Variants in KIF13A observed in about 807,000 individuals in gnomAD.
KIF13A encodes the protein kinesin-like protein KIF13A.
Under a neutral mutation model 212.2 loss-of-function variants are expected in KIF13A, and 79 were observed. That is an observed-to-expected ratio of 0.37 (90% CI 0.31 to 0.45). KIF13A has a LOEUF of 0.45. Ranked by LOEUF, KIF13A falls within the 20% of genes least tolerant of loss-of-function variation. KIF13A has a pLI of 1.00. For synonymous variants in KIF13A, 789 were observed against 808.6 expected, an observed-to-expected ratio of 0.98 and a Z score of 0.41; for missense variants, 1,901 against 2,209.0, an observed-to-expected ratio of 0.86 and a Z score of 2.79.
rs1181862533 is a variant in KIF13A at position 17,951,884 on chromosome 6, C to T, written c.146+35170G>A. Reference sequence around the variant, plus strand: ...ACATTTGGTGACTCATTACAAAAATCTTTTTTCTTAAAAGAATTTTTTGTA... The same window carrying T: ...ACATTTGGTGACTCATTACAAAAATTTTTTTTCTTAAAAGAATTTTTTGTA... On this transcript the variant is annotated intron_variant, in intron 2 of 38. Coordinates refer to ENST00000259711, the MANE Select transcript of KIF13A (RefSeq NM_022113.6). The surrounding 1 kb of genome is among the most constrained non-coding windows in gnomAD (Gnocchi z 4.9). Among the ~76,000 whole-genome samples the T allele has an allele frequency of 6.6e-6, 1 of 152,118 alleles. No individual in the cohort carries two copies. The highest frequency in any genetic ancestry group is 2.4e-5 in the African/African-American group (1 of 41,408).
At chr6:17,916,751 G>A (rs1275029178) in intron 2 of KIF13A, among the ~76,000 whole-genome samples, 2 of 152,112 alleles carry the variant, frequency 1.3e-5, no homozygotes, top group Admixed American at 6.5e-5. Flanking sequence ...CAAATGAATG[G>A]ACAGGTTAAG....
At position 17,815,830 on chromosome 6, in the gene KIF13A, C is replaced by T. The variant is rs1387401255; in HGVS notation, c.2000+1190G>A. ...CTTGGCACCTGGGTGGCTTGCCACCCACACTCTACCACTTTCTCCTTTGAG... is the reference window on the plus strand; with the variant it reads ...CTTGGCACCTGGGTGGCTTGCCACCTACACTCTACCACTTTCTCCTTTGAG... On this transcript the variant is annotated intron_variant, in intron 17 of 38. Transcript: ENST00000259711. Among the ~76,000 whole-genome samples, 4 of 151,986 alleles carry T rather than the reference C, an allele frequency of 2.6e-5. No homozygotes were observed. In the East Asian group the frequency reaches 7.7e-4, roughly 29 times the overall value.
chr6:17,975,476 G>C lies in KIF13A; in HGVS notation c.146+11578C>G, dbSNP rs1581921215. 2.0e-5 allele frequency among the ~76,000 whole-genome samples: 3 copies of C among 152,142 alleles called. No homozygotes were observed. In the East Asian group the frequency reaches 5.8e-4, roughly 29 times the overall value. ...TGAAGCTACAGACCTTCAGCGGTGAGCGTTACAGCTTATAAAGACAATGTA... is the reference window on the plus strand; with the variant it reads ...TGAAGCTACAGACCTTCAGCGGTGACCGTTACAGCTTATAAAGACAATGTA... On this transcript the variant is annotated intron_variant, in intron 2 of 38. Transcript: ENST00000259711.
At position 17,963,145 on chromosome 6, in the gene KIF13A, C is replaced by T. The variant is rs772432453; in HGVS notation, c.146+23909G>A. Among the ~76,000 whole-genome samples the T allele has an allele frequency of 4.6e-5, 7 of 152,108 alleles. No individual in the cohort carries two copies. Among genetic ancestry groups the T allele is most frequent in the Non-Finnish European group, 1.0e-4 (7 of 68,012 alleles). The stretch of plus-strand genomic sequence containing the variant: ...AGAGTGTCATGTGAAAGGCTGGGTG[C>T]GGTGGCTCATGCCTGTAATCCCAGC... On this transcript the variant is annotated intron_variant, in intron 2 of 38. Transcript: ENST00000259711. The surrounding 1 kb of genome is among the most constrained non-coding windows in gnomAD (Gnocchi z 4.1).
Position 17,764,708 on chromosome 6 carries a change from G to A in KIF13A, c.4820C>T (p.Ala1607Val). The A allele has an allele frequency of 6.2e-7, 1 of 1,613,284 alleles. No homozygotes were observed. The highest frequency in any genetic ancestry group is 8.5e-7 in the Non-Finnish European group (1 of 1,179,564). Residue 1607 changes from alanine to valine, a missense_variant, in exon 39 of 39, where the codon GCC (alanine) becomes GTC (valine). By Grantham distance (64) the Ala-to-Val change is moderately conservative. Transcript: ENST00000259711. The surrounding 1 kb of genome is among the most constrained non-coding windows in gnomAD (Gnocchi z 5.1). ...AGGGACCACCATGTCAGACAGGGTG[G>A]CATTGGAGGCACTGTGGGAAAAGTA... ...SGYFSHSASN[A>V]TLSDMVVPSS...
Position 17,850,521 on chromosome 6 carries a change from G to C in KIF13A, c.583-64C>G, listed in dbSNP as rs1014272121. On this transcript the variant is annotated intron_variant, in intron 7 of 38. Coordinates refer to ENST00000259711, the MANE Select transcript of KIF13A (RefSeq NM_022113.6). The surrounding 1 kb of genome is among the most constrained non-coding windows in gnomAD (Gnocchi z 6.2). ...CACAAGAATGTAGTCCTGCACACCA[G>C]GTATATGTATTAATTATGATTCCTC... 1 of 1,469,106 alleles carries C rather than the reference G, an allele frequency of 6.8e-7. No homozygotes were observed. The highest frequency in any genetic ancestry group is 1.3e-5 in the South Asian group (1 of 75,122). The allele number at this position is 1,469,106 out of a possible 1,614,324, so 91.0% of individuals were successfully genotyped here. A position where few individuals can be genotyped will look rare whatever the true frequency, so the allele number is the denominator to read the frequency against.
Position 17,886,448 on chromosome 6 carries a change from G to C in KIF13A, c.159+11720C>G, listed in dbSNP as rs532621168. On this transcript the variant is annotated intron_variant, in intron 3 of 38. Transcript: ENST00000259711. The surrounding 1 kb of genome is among the most constrained non-coding windows in gnomAD (Gnocchi z 5.6). ...GAGTTCACACTGCTGCGGCTGACTC[G>C]GGCCAAGTGGGAGCCAAGAGACTCC... is the stretch of plus-strand genomic sequence containing the variant. 4.6e-5 allele frequency among the ~76,000 whole-genome samples: 7 copies of C among 152,186 alleles called. No individual in the cohort carries two copies. The highest frequency in any genetic ancestry group is 7.3e-5 in the Non-Finnish European group (5 of 68,036).
At chr6:17,875,348 A>C (rs988993401) in intron 3 of KIF13A, among the ~76,000 whole-genome samples, 7 of 152,106 alleles carry the variant, frequency 4.6e-5, no homozygotes, top group African/African-American at 1.7e-4. Context: ...TTTTACATGA[A>C]TTAACTTTCT....
chr6:17,980,203 A>G (rs1780937973), intron 2 of KIF13A, among the ~76,000 whole-genome samples: 1 of 152,246 alleles, frequency 6.6e-6, no homozygotes. Flanking sequence ...AGAAGCACTG[A>G]AAGATAAAAG....
intron 2 of KIF13A, among the ~76,000 whole-genome samples, chr6:17,941,435 C>CAAA (rs1776946825): frequency 6.6e-6 from 1 of 152,138 alleles, no homozygotes. Flanking sequence ...GAAGCCTTAA[C>CAAA]CCTCAGTACC....
Position 17,771,758 on chromosome 6 carries a change from G to T in KIF13A, c.4476+150C>A. 1 of 672,914 alleles carries T rather than the reference G, an allele frequency of 1.5e-6. No individual in the cohort carries two copies. The allele number at this position is 672,914 out of a possible 1,614,324, so 41.7% of individuals were successfully genotyped here. A position where few individuals can be genotyped will look rare whatever the true frequency, so the allele number is the denominator to read the frequency against. On this transcript the variant is annotated intron_variant, in intron 37 of 38. Transcript: ENST00000259711. The surrounding 1 kb of genome is among the most constrained non-coding windows in gnomAD (Gnocchi z 5.4). ...AAGAGATTCTACCATGACTCTGCAT[G>T]CTTGAGAAAGAGGAATTCGAGAACG... is the stretch of plus-strand genomic sequence containing the variant.
At chr6:17,960,250 A>C (rs1328867131) in intron 2 of KIF13A, among the ~76,000 whole-genome samples, 1 of 152,356 alleles carries the variant, frequency 6.6e-6, no homozygotes, top group South Asian at 2.1e-4. Context: ...ACTAAAAAAA[A>C]GTAAACATTC....
At chr6:17,804,179 T>C (rs1762733215) in intron 20 of KIF13A, among the ~76,000 whole-genome samples, 182 bp downstream of exon 20, 1 of 134,906 alleles carries the variant, frequency 7.4e-6, no homozygotes, top group African/African-American at 2.8e-5. Context: ...AACAAAACCA[T>C]GACTTAATCC....
In KIF13A at chr6:17,869,942, C is replaced by T. The variant is rs1769847556; in HGVS notation, c.220+3435G>A. On this transcript the variant is annotated intron_variant, in intron 4 of 38. Coordinates refer to ENST00000259711, the MANE Select transcript of KIF13A (RefSeq NM_022113.6). ...GGAAATATGTGCTTCCCCTTCTCCACTTCCCCTGTTTTCCACCAGATAATG... is the reference window on the plus strand; with the variant it reads ...GGAAATATGTGCTTCCCCTTCTCCATTTCCCCTGTTTTCCACCAGATAATG... 2.0e-5 allele frequency among the ~76,000 whole-genome samples: 3 copies of T among 152,334 alleles called. No individual in the cohort carries two copies. The South Asian group carries it at 6.2e-4, about 32-fold the overall frequency.
rs975078842 is a variant in KIF13A at position 17,963,345 on chromosome 6, G to T, written c.146+23709C>A. Among the ~76,000 whole-genome samples the T allele has an allele frequency of 6.6e-6, 1 of 152,188 alleles. No homozygotes were observed. The highest frequency in any genetic ancestry group is 2.4e-5 in the African/African-American group (1 of 41,438). ...ACGCAGGAGAATCACTTGAACCTGG[G>T]AGGGAGAGGCTGCAGTGAGCTAAGA... is the stretch of plus-strand genomic sequence containing the variant. On this transcript the variant is annotated intron_variant, in intron 2 of 38. Coordinates refer to ENST00000259711, the MANE Select transcript of KIF13A (RefSeq NM_022113.6). This position sits in a 1 kb window ranked among gnomAD's most constrained non-coding sequence, Gnocchi z 4.1.
chr6:17,946,049 C>T (rs1030319386), intron 2 of KIF13A, among the ~76,000 whole-genome samples: 1 of 152,128 alleles, frequency 6.6e-6, no homozygotes, highest in Non-Finnish European at 1.5e-5. Context: ...AAGCTTAAGA[C>T]TTTTAGAAGG....
chr6:17,977,426 G>A (rs1780668834), intron 2 of KIF13A, among the ~76,000 whole-genome samples: 1 of 152,092 alleles, frequency 6.6e-6, no homozygotes. Flanking sequence ...GTAAGCCAAG[G>A]GCACTAAAAT....
intron 3 of KIF13A, among the ~76,000 whole-genome samples, chr6:17,887,767 C>G (rs1008028761): frequency 2.6e-5 from 4 of 152,100 alleles, no homozygotes; most frequent in Non-Finnish European, 5.9e-5. Flanking sequence ...GATCTCGGCT[C>G]ACTGCAACCT....
At chr6:17,932,915 A>G (rs764938551) in intron 2 of KIF13A, among the ~76,000 whole-genome samples, 46 of 152,194 alleles carry the variant, frequency 3.0e-4, no homozygotes, top group African/African-American at 9.9e-4. Context: ...ATCTCTGCCA[A>G]CCCCAAGGAA....
Sources: allele counts gnomAD v4.1 joint callset (sites outside exome capture counted in the v4.1 genomes callset), GRCh38; gene constraint gnomAD v4.1.1; non-coding constraint Gnocchi (gnomAD v3.1); transcripts MANE v1.5; gene names NCBI Gene and HGNC (gene_info 2026-07-23, HGNC 2026-07-21).